ZNF385D: variants seen among roughly 807,000 people sequenced by gnomAD.
ZNF385D encodes zinc finger protein 385D.
Under a neutral mutation model 35.8 loss-of-function variants are expected in ZNF385D, and 15 were observed. That is an observed-to-expected ratio of 0.42 (90% CI 0.28 to 0.64). The LOEUF (loss-of-function observed/expected upper bound fraction) is 0.64. ZNF385D is among the 30% of genes least tolerant of loss of function. The probability of loss-of-function intolerance (pLI) is 0.23; values close to 1 mark genes in which losing one functional copy is unlikely to be tolerated. For missense variants in ZNF385D, 474 were observed against 494.6 expected (o/e 0.96, Z 0.39); for synonymous variants, 212 against 186.8 (o/e 1.13, Z -1.10).
At chr3:22,050,335 C>A (rs1299455629) in intron 3 of ZNF385D, among the ~76,000 whole-genome samples, 1 of 152,012 alleles carries the variant, frequency 6.6e-6, no homozygotes, top group East Asian at 1.9e-4. Flanking sequence ...GCACTCCAGC[C>A]TGAGTGACAG....
intron 3 of ZNF385D, among the ~76,000 whole-genome samples, chr3:22,012,528 A>T (rs1455821790): frequency 1.3e-5 from 2 of 152,166 alleles, no homozygotes; most frequent in African/African-American, 4.8e-5. Flanking sequence ...AATTTTAAAG[A>T]TGAATAAATA....
intron 4 of ZNF385D, among the ~76,000 whole-genome samples, chr3:21,504,969 A>G (rs1050616424): frequency 1.3e-5 from 2 of 152,156 alleles, no homozygotes; most frequent in African/African-American, 4.8e-5. Context: ...GGGCAAATGT[A>G]TGTGAAAAAC....
rs114519882 is a variant in ZNF385D at position 22,141,904 on chromosome 3, G to A, written c.325+26913C>T. Among the ~76,000 whole-genome samples the A allele has an allele frequency of 8.2e-3, 1,256 of 152,302 alleles. 12 individuals are homozygous for A. The highest frequency in any genetic ancestry group is 0.022 in the African/African-American group (909 of 41,556). On this transcript the variant is annotated intron_variant, in intron 3 of 5. Coordinates refer to the ZNF385D transcript ENST00000494108. ...TCCCAAAGACAGTACTGTTTGCCTT[G>A]TGGCATTTTATTGCCTCTTAAGCAT...
At chr3:21,769,311 G>A (rs2070973530) in intron 3 of ZNF385D, among the ~76,000 whole-genome samples, 1 of 140,236 alleles carries the variant, frequency 7.1e-6, no homozygotes, top group African/African-American at 2.7e-5. Context: ...TTTTGCAGAT[G>A]ACATGATTGT....
At chr3:21,567,527 A>G (rs2063192005) in intron 2 of ZNF385D, among the ~76,000 whole-genome samples, 1 of 152,098 alleles carries the variant, frequency 6.6e-6, no homozygotes, top group Non-Finnish European at 1.5e-5. Context: ...AAAAACAACC[A>G]CAGAGAACAC....
At chr3:21,598,367 C>T (rs1477536645) in intron 2 of ZNF385D, among the ~76,000 whole-genome samples, 1 of 152,052 alleles carries the variant, frequency 6.6e-6, no homozygotes, top group East Asian at 1.9e-4. Context: ...GTGAAAAATC[C>T]ACAGTAATAA....
chr3:21,858,908 G>A (rs929635748), intron 3 of ZNF385D, among the ~76,000 whole-genome samples: 4 of 151,982 alleles, frequency 2.6e-5, no homozygotes. Flanking sequence ...CCGATAACAG[G>A]TCCAATCTGT....
intron 2 of ZNF385D, among the ~76,000 whole-genome samples, chr3:21,647,970 T>C (rs1022630724): frequency 1.3e-5 from 2 of 152,234 alleles, no homozygotes; most frequent in Non-Finnish European, 2.9e-5. Flanking sequence ...GTTTTTCTTA[T>C]AAAGACTTGA....
intron 3 of ZNF385D, among the ~76,000 whole-genome samples, chr3:21,975,203 A>G (rs1270191856): frequency 6.6e-6 from 1 of 152,182 alleles, no homozygotes; most frequent in Non-Finnish European, 1.5e-5. Context: ...GAAAATGTAC[A>G]TATACACAAT....
chr3:21,525,684 CAAA>C (rs11308733), intron 3 of ZNF385D, among the ~76,000 whole-genome samples: 3,548 of 88,370 alleles, frequency 0.04, 108 homozygotes, highest in African/African-American at 0.14. Context: ...AATTCCATCT[CAAA>C]AAAAAAAAAA....
chr3:21,586,743 A>AACCT (rs2063822756), intron 2 of ZNF385D, among the ~76,000 whole-genome samples: 1 of 136,470 alleles, frequency 7.3e-6, no homozygotes. Context: ...ATGGATATGT[A>AACCT]ACCTAACTGG....
chr3:21,696,433 GTTA>G (rs1452738510), intron 1 of ZNF385D, among the ~76,000 whole-genome samples: 1 of 152,100 alleles, frequency 6.6e-6, no homozygotes, highest in Non-Finnish European at 1.5e-5. Context: ...AATATTGGTT[GTTA>G]TTATTATATT....
At chr3:22,075,294 C>T (rs1678432969) in intron 3 of ZNF385D, among the ~76,000 whole-genome samples, 1 of 151,808 alleles carries the variant, frequency 6.6e-6, no homozygotes, top group Non-Finnish European at 1.5e-5. Flanking sequence ...TTTTCCTTTC[C>T]AGTTTCCCTA....
chr3:22,010,991 T>A (rs1043692854), intron 3 of ZNF385D, among the ~76,000 whole-genome samples: 2 of 152,158 alleles, frequency 1.3e-5, no homozygotes, highest in Non-Finnish European at 2.9e-5. Context: ...CTGGATAGAC[T>A]ATTTCAATGG....
At chr3:22,166,895 TAAAGA>T (rs1183911513) in intron 3 of ZNF385D, among the ~76,000 whole-genome samples, 1 of 152,252 alleles carries the variant, frequency 6.6e-6, no homozygotes, top group African/African-American at 2.4e-5. Context: ...AATACAAACT[TAAAGA>T]AAACAACTTG....
chr3:21,612,183 C>T (rs1004625927), intron 2 of ZNF385D, among the ~76,000 whole-genome samples: 1 of 152,136 alleles, frequency 6.6e-6, no homozygotes, highest in African/African-American at 2.4e-5. Flanking sequence ...GGTCCTGGTT[C>T]AAGCAATTCT....
At chr3:21,730,013 G>A (rs1358512739) in intron 1 of ZNF385D, among the ~76,000 whole-genome samples, 1 of 152,122 alleles carries the variant, frequency 6.6e-6, no homozygotes, top group Non-Finnish European at 1.5e-5. Flanking sequence ...ATAATAGAAT[G>A]CTACCATCTA....
intron 2 of ZNF385D, among the ~76,000 whole-genome samples, chr3:21,571,435 A>G (rs146214662): frequency 1.8e-4 from 27 of 152,326 alleles, no homozygotes; most frequent in African/African-American, 6.0e-4. Flanking sequence ...TTTGTTGGAT[A>G]TAGTAGTCAT....
At chr3:21,530,474 T>A (rs768807798) in intron 3 of ZNF385D, among the ~76,000 whole-genome samples, 1 of 152,142 alleles carries the variant, frequency 6.6e-6, no homozygotes, top group Non-Finnish European at 1.5e-5. Flanking sequence ...AACTTTTCTT[T>A]ACCAAACTCC....
Sources: gnomAD v4.1 joint callset for allele counts (sites outside exome capture counted in the v4.1 genomes callset) on GRCh38, gnomAD v4.1.1 for gene constraint, MANE v1.5 for transcripts, NCBI Gene and HGNC (gene_info 2026-07-23, HGNC 2026-07-21) for gene names.